NFX1: variants seen among roughly 807,000 people sequenced by gnomAD.
NFX1 encodes nuclear transcription factor, X-box binding 1, also known as transcriptional repressor NF-X1.
In NFX1, 69 loss-of-function variants were observed where a neutral mutation model predicts 137.2. The ratio of observed to expected loss-of-function variants is 0.50; its 90% CI spans 0.41 to 0.61. The LOEUF (loss-of-function observed/expected upper bound fraction) is 0.61. Ranked by LOEUF, NFX1 falls within the 20% of genes least tolerant of loss-of-function variation. The pLI is 0.00. For missense variants in NFX1, 1,167 were observed against 1,391.0 expected (o/e 0.84, Z 2.56); for synonymous variants, 495 against 474.1 (o/e 1.04, Z -0.57).
chr9:33,355,367 C>T (rs1374222436), intron 19 of NFX1, among the ~76,000 whole-genome samples: 2 of 152,142 alleles, frequency 1.3e-5, no homozygotes, highest in East Asian at 1.9e-4. Flanking sequence ...GTCTCTTGTA[C>T]TCTACATAAA....
At chr9:33,335,041 C>G (rs1004747502) in intron 11 of NFX1, among the ~76,000 whole-genome samples, 7 of 152,178 alleles carry the variant, frequency 4.6e-5, no homozygotes, top group African/African-American at 1.4e-4. Context: ...GAAAACAAAT[C>G]TCAAATATCA....
At chr9:33,352,411 G>T (rs2118642509) in intron 16 of NFX1, 1 of 629,974 alleles carries the variant, frequency 1.6e-6, no homozygotes, top group South Asian at 1.5e-5. Flanking sequence ...CTTCAGCCAG[G>T]ATTAAGAACA....
chr9:33,352,486 G>T (rs987012417), intron 16 of NFX1, 160 bp from the exon 17 acceptor site: 2 of 708,636 alleles, frequency 2.8e-6, no homozygotes, highest in Middle Eastern at 4.6e-4. Flanking sequence ...CAACAACTGT[G>T]TCAGTTTGCA....
chr9:33,303,199 A>C lies in NFX1; in HGVS notation c.1201A>C (p.Ser401Arg), dbSNP rs1439244388. Reference protein sequence around the residue: ...RSPASQADGQSGWRCPACQNV... With the variant: ...RSPASQADGQRGWRCPACQNV... ...CCCATTTTTCCTGACAGATGGCCAGAGTGGTTGGAGGTGCCCTGCCTGTCA... is the reference window on the plus strand; with the variant it reads ...CCCATTTTTCCTGACAGATGGCCAGCGTGGTTGGAGGTGCCCTGCCTGTCA... Residue 401 changes from serine (S) to arginine (R), a missense_variant, in exon 4 of 24, where the codon AGT becomes CGT. Transcript: ENST00000379540. 1.2e-6 allele frequency: 2 copies of C among 1,614,010 alleles called. No homozygotes were observed. Among genetic ancestry groups the C allele is most frequent in the East Asian group, 4.5e-5 (2 of 44,886 alleles).
intron 14 of NFX1, among the ~76,000 whole-genome samples, chr9:33,344,962 G>GA (rs1485150942): frequency 2.0e-5 from 3 of 152,106 alleles, no homozygotes; most frequent in African/African-American, 7.2e-5. Flanking sequence ...AGGAGTTCGA[G>GA]ACCACTCTGG....
At chr9:33,323,228 C>T (rs1376194993) in intron 9 of NFX1, among the ~76,000 whole-genome samples, 1 of 152,152 alleles carries the variant, frequency 6.6e-6, no homozygotes, top group African/African-American at 2.4e-5. Context: ...ATAGACTTCA[C>T]TGAAATAGTC....
rs200409340 is a variant in NFX1 at position 33,366,823 on chromosome 9, G to A, written c.3185+49G>A. On this transcript the variant is annotated intron_variant, in intron 22 of 23. Transcript: ENST00000379540. ...GAAGAACTCCTAAGCAGGGCAAACT[G>A]GACCCAAGAAGCAGGGTCTGTCAAT... 3 of 1,585,280 alleles carry A rather than the reference G, an allele frequency of 1.9e-6. No homozygotes were observed. The South Asian group carries it at 3.4e-5, about 18-fold the overall frequency.
At position 33,318,996 on chromosome 9, in the gene NFX1, G is replaced by A. The variant is rs150805516; in HGVS notation, c.1775G>A (p.Arg592His). ...TGCCCACGGCTCCCCCAGCTGGTGC[G>A]CTGTTGCCCCTGTGGCCAAACTCCT... ...QQCPRLPQLVRCCPCGQTPLS... is the reference protein window; with the variant it reads ...QQCPRLPQLVHCCPCGQTPLS... Residue 592 changes from arginine (R) to histidine (H), a missense_variant, in exon 9 of 24, where the codon CGC becomes CAC. Arg to His is a conservative substitution (Grantham distance 29). This residue lies in a region of NFX1 where 488 missense variants were observed against 691.5 expected (regional missense o/e 0.71). Transcript: ENST00000379540. The A allele has an allele frequency of 1.9e-6, 3 of 1,614,198 alleles. No homozygotes were observed. The highest frequency in any genetic ancestry group is 1.7e-6 in the Non-Finnish European group (2 of 1,180,028).
chr9:33,356,744 T>A (rs749073168), intron 19 of NFX1, among the ~76,000 whole-genome samples: 8 of 152,116 alleles, frequency 5.3e-5, no homozygotes, highest in Non-Finnish European at 1.2e-4. Flanking sequence ...ACCAAGATTG[T>A]CCTTTTCCCA....
intron 21 of NFX1, chr9:33,366,003 G>T (rs1824158464): frequency 6.6e-6 from 1 of 152,212 alleles, no homozygotes; most frequent in Non-Finnish European, 1.5e-5. Context: ...TTCCATCAGG[G>T]GGGACGGTGA....
chr9:33,364,068 T>G lies in NFX1; in HGVS notation c.2932T>G (p.Ser978Ala). The stretch of plus-strand genomic sequence containing the variant: ...TTCTGATCCTTTCAATATACGTTCT[T>G]CAGGGTCAAAATTCAGTGATAGTTT... Reference protein sequence around the residue: ...EDSDPFNIRSSGSKFSDSLKE... With the variant: ...EDSDPFNIRSAGSKFSDSLKE... Residue 978 changes from serine (S) to alanine (A), a missense_variant, in exon 20 of 24, where the codon TCA becomes GCA. Ser to Ala is a moderately conservative substitution (Grantham distance 99). Around this residue, in one of 3 missense-constraint regions of NFX1, gnomAD observed 312 missense variants for 312.8 expected, o/e 1.00. Coordinates refer to ENST00000379540, the MANE Select transcript of NFX1 (RefSeq NM_002504.6). 6.2e-7 allele frequency: 1 copy of G among 1,606,174 alleles called. No homozygotes were observed. The highest frequency in any genetic ancestry group is 8.5e-7 in the Non-Finnish European group (1 of 1,176,824).
rs143491414 is a variant in NFX1 at position 33,367,589 on chromosome 9, C to T, written c.3260C>T (p.Pro1087Leu). Residue 1087 changes from proline to leucine, a missense_variant, in exon 23 of 24, where the codon CCG (proline) becomes CTG (leucine). Transcript: ENST00000379540. Reference sequence around the variant, plus strand: ...GAAATGCAGGCACGGCCTCCACCACCGATTCCTCATCACAGACATCAGTCA... The same window carrying T: ...GAAATGCAGGCACGGCCTCCACCACTGATTCCTCATCACAGACATCAGTCA... Reference protein sequence around the residue: ...EREMQARPPPPIPHHRHQSDK... With the variant: ...EREMQARPPPLIPHHRHQSDK... 1.1e-3 allele frequency: 1,749 copies of T among 1,613,834 alleles called. 7 individuals carry two copies. Among genetic ancestry groups the T allele is most frequent in the Admixed American group, 3.0e-3 (180 of 60,012 alleles).
At chr9:33,324,494 C>T (rs184690473) in intron 9 of NFX1, among the ~76,000 whole-genome samples, 2 of 152,180 alleles carry the variant, frequency 1.3e-5, no homozygotes, top group East Asian at 3.9e-4. Context: ...GAGGTTGCAG[C>T]AAGCCATGAT....
intron 7 of NFX1, among the ~76,000 whole-genome samples, chr9:33,318,001 A>AAAAAATT (rs397765712): frequency 6.7e-6 from 1 of 149,658 alleles, no homozygotes; most frequent in African/African-American, 2.4e-5. Context: ...AAAAAAAAAA[A>AAAAAATT]TCTTCATTAT....
chr9:33,297,063 G>A (rs1821382673), intron 2 of NFX1, among the ~76,000 whole-genome samples: 1 of 151,866 alleles, frequency 6.6e-6, no homozygotes, highest in South Asian at 2.1e-4. Flanking sequence ...CTATCCTTTG[G>A]TTCAAGTTTT....
chr9:33,357,778 C>CAAGCGAACCT (rs1244417293), intron 19 of NFX1, among the ~76,000 whole-genome samples: 1 of 150,886 alleles, frequency 6.6e-6, no homozygotes, highest in African/African-American at 2.4e-5. Context: ...ACTTCTGGCT[C>CAAGCGAACCT]AAGCGAACCT....
intron 7 of NFX1, among the ~76,000 whole-genome samples, chr9:33,315,400 T>G (rs998693351): frequency 3.9e-5 from 6 of 152,084 alleles, no homozygotes; most frequent in East Asian, 1.9e-4. Flanking sequence ...ATCGTCCCAG[T>G]TTTTTCTTTT....
intron 2 of NFX1, among the ~76,000 whole-genome samples, chr9:33,300,771 C>A (rs985527310): frequency 1.3e-5 from 2 of 152,228 alleles, no homozygotes; most frequent in Admixed American, 1.3e-4. Flanking sequence ...AAGTGAATGA[C>A]TAAAGACTTT....
intron 9 of NFX1, 133 bp from the exon 10 acceptor site, chr9:33,328,448 C>G: frequency 1.6e-6 from 1 of 639,490 alleles, no homozygotes; most frequent in East Asian, 2.6e-5. Context: ...GAAGCATTGA[C>G]TGCATACTTC....
Sources: allele counts gnomAD v4.1 joint callset (sites outside exome capture counted in the v4.1 genomes callset), GRCh38; gene constraint gnomAD v4.1.1; regional missense constraint gnomAD v4.1.1; transcripts MANE v1.5; gene names NCBI Gene and HGNC (gene_info 2026-07-23, HGNC 2026-07-21).